The following ERCC4 variants were observed in gnomAD, a reference collection of about 807,000 sequenced individuals.
ERCC4 encodes ERCC excision repair 4, endonuclease catalytic subunit.
ERCC4 carries 65 observed loss-of-function variants against 76.9 expected under a neutral mutation model. The observed-to-expected ratio is 0.84, with a 90% CI of 0.69 to 1.04. ERCC4 has a LOEUF of 1.04. Ranked by LOEUF, ERCC4 falls within the 50% of genes least tolerant of loss-of-function variation. The pLI, the probability that ERCC4 is intolerant of heterozygous loss-of-function variation, is 0.00. For synonymous variants in ERCC4, 463 were observed against 410.1 expected (o/e 1.13, Z -1.56); for missense variants, 1,214 against 1,128.2 (o/e 1.08, Z -1.09).
Position 13,920,245 on chromosome 16 carries a change from T to C in ERCC4, c.80T>C (p.Leu27Pro). Residue 27 changes from leucine to proline, a missense_variant, in exon 1 of 11, where the codon CTC becomes CCC. Physicochemically the swap from Leu to Pro is moderately conservative, Grantham distance 98. Transcript: ENST00000311895. ...GAGCGACAGCTGGTGCTGGAACTGC[T>C]CGACACTGACGGGCTAGTAGTGTGC... ...EYERQLVLEL[L>P]DTDGLVVCAR... 6.2e-7 allele frequency: 1 copy of C among 1,607,868 alleles called. No homozygotes were observed. Among genetic ancestry groups the C allele is most frequent in the Non-Finnish European group, 8.5e-7 (1 of 1,179,944 alleles).
In ERCC4 at chr16:13,928,242, T is replaced by C; in HGVS notation, c.792+7T>C. On this transcript the variant is annotated splice_region_variant and intron_variant, in intron 4 of 10. Transcript: ENST00000311895. ...TGGAAAACCTTTTGACAAGGTACTC[T>C]TTTTCCTTTTAAGCACAGTTTATTA... is the stretch of plus-strand genomic sequence containing the variant. 2 of 1,572,842 alleles carry C rather than the reference T, an allele frequency of 1.3e-6. No individual in the cohort carries two copies. Among genetic ancestry groups the C allele is most frequent in the Non-Finnish European group, 1.7e-6 (2 of 1,143,498 alleles).
In ERCC4 at chr16:13,920,187, C is replaced by T. The variant is rs774510191; in HGVS notation, c.22C>T (p.Arg8Ter). 6.2e-7 allele frequency: 1 copy of T among 1,606,158 alleles called. No individual in the cohort carries two copies. The highest frequency in any genetic ancestry group is 8.5e-7 in the Non-Finnish European group (1 of 1,179,868). Residue 8 changes from arginine to a stop codon, truncating the protein, a stop_gained, in exon 1 of 11, where the codon CGA (arginine) becomes TGA (stop). Transcript: ENST00000311895. LOFTEE classifies it high-confidence loss of function. ...TTCCATGGAGTCAGGGCAGCCGGCT[C>T]GACGGATTGCCATGGCGCCGCTGCT... The part of the protein sequence containing the change: MESGQPA[R>*]RIAMAPLLEY...
intron 5 of ERCC4, 45 bp from the exon 6 acceptor site, chr16:13,932,112 T>A: frequency 6.4e-7 from 1 of 1,567,460 alleles, no homozygotes; most frequent in South Asian, 1.1e-5. Context: ...TGTTTTAAAT[T>A]AACCATAAAT....
chr16:13,937,788 G>T lies in ERCC4; in HGVS notation c.1834G>T (p.Gly612Cys). The change falls in exon 9 of 11, where the codon GGT becomes TGT. Residue 612 changes from glycine to cysteine, a missense_variant. By Grantham distance (159) the Gly-to-Cys change is radical (BLOSUM62 -3). Transcript: ENST00000311895. Reference protein sequence around the residue: ...PLRVYFLIYGGSTEEQRYLTA... With the variant: ...PLRVYFLIYGCSTEEQRYLTA... ...CAGGGTTTACTTTCTTATATACGGA[G>T]GTTCAACTGAGGAACAACGCTATCT... 1 of 1,612,880 alleles carries T rather than the reference G, an allele frequency of 6.2e-7. No individual in the cohort carries two copies. The highest frequency in any genetic ancestry group is 8.5e-7 in the Non-Finnish European group (1 of 1,178,924).
intron 3 of ERCC4, 175 bp from the exon 4 acceptor site, chr16:13,927,853 T>C (rs1175414773): frequency 4.9e-6 from 3 of 609,768 alleles, no homozygotes; most frequent in African/African-American, 3.7e-5. Flanking sequence ...ACACTGCTTC[T>C]ATTCATTGAG....
intron 2 of ERCC4, among the ~76,000 whole-genome samples, chr16:13,925,162 A>G (rs945331859): frequency 5.9e-5 from 9 of 152,330 alleles, no homozygotes; most frequent in African/African-American, 2.2e-4. Flanking sequence ...GAAAATCTAT[A>G]GAAACACCTA....
intron 7 of ERCC4, chr16:13,934,813 A>T (rs2032250820): frequency 3.9e-6 from 1 of 259,654 alleles, no homozygotes; most frequent in African/African-American, 2.2e-5. Flanking sequence ...AAGAGGAAAA[A>T]TCCATTTGGA....
rs183972297 is a variant in ERCC4 at position 13,931,915 on chromosome 16, C to T, written c.974-242C>T. 3,160 of 495,938 alleles carry T rather than the reference C, an allele frequency of 6.4e-3. 12 individuals are homozygous for T. The highest frequency in any genetic ancestry group is 8.7e-3 in the Non-Finnish European group (2,458 of 282,114). The allele number at this position is 495,938 out of a possible 1,614,324, so 30.7% of individuals were successfully genotyped here. A position where few individuals can be genotyped will look rare whatever the true frequency, so the allele number is the denominator to read the frequency against. ...GTCAAATAATGTCATGGTATTGTTACGAGAAAAGTTCTGACATCACATAGC... is the reference window on the plus strand; with the variant it reads ...GTCAAATAATGTCATGGTATTGTTATGAGAAAAGTTCTGACATCACATAGC... On this transcript the variant is annotated intron_variant, in intron 5 of 10. Coordinates refer to ENST00000311895, the MANE Select transcript of ERCC4 (RefSeq NM_005236.3).
At chr16:13,935,112 G>A (rs772505420) in intron 7 of ERCC4, 34 bp from the exon 8 acceptor site, 1 of 1,479,164 alleles carries the variant, frequency 6.8e-7, no homozygotes, top group Non-Finnish European at 9.5e-7. Flanking sequence ...GACAAGTGAG[G>A]TAATAGTAAC....
At chr16:13,932,581 T>A in intron 6 of ERCC4, 1 of 488,654 alleles carries the variant, frequency 2.0e-6, no homozygotes, top group Non-Finnish European at 3.6e-6. Context: ...AGCTATATAT[T>A]GATTTTTTTA....
rs116806829 is a variant in ERCC4, at chr16:13,922,732, C to T, written c.388+521C>T. Reference sequence around the variant, plus strand: ...TTTCTACATTTTTATTTTTGTCTGTCTCCTCTGCTGAACGCTCTACTAGAA... The same window carrying T: ...TTTCTACATTTTTATTTTTGTCTGTTTCCTCTGCTGAACGCTCTACTAGAA... On this transcript the variant is annotated intron_variant, in intron 2 of 10. Transcript: ENST00000311895. 4.6e-4 allele frequency: 160 copies of T among 349,684 alleles called. 1 individual carries two copies. Among genetic ancestry groups the T allele is most frequent in the African/African-American group, 3.2e-3 (150 of 46,604 alleles). 21.7% of individuals were successfully genotyped at this position (349,684 alleles called of 1,614,324 possible).
chr16:13,923,746 A>G (rs985972908), intron 2 of ERCC4, among the ~76,000 whole-genome samples: 6 of 152,254 alleles, frequency 3.9e-5, no homozygotes, highest in Non-Finnish European at 5.9e-5. Context: ...ACAAACTCTT[A>G]GTAATTCATA....
chr16:13,920,234 G>T lies in ERCC4; in HGVS notation c.69G>T (p.Val23=), dbSNP rs201606798. The change falls in exon 1 of 11, where the codon GTG becomes GTT. Residue 23 remains valine, a synonymous_variant. Coordinates refer to ENST00000311895, the MANE Select transcript of ERCC4 (RefSeq NM_005236.3). The stretch of plus-strand genomic sequence containing the variant: ...TGCTGGAGTACGAGCGACAGCTGGT[G>T]CTGGAACTGCTCGACACTGACGGGC... ...APLLEYERQL[V]LELLDTDGLV... 2 of 1,607,722 alleles carry T rather than the reference G, an allele frequency of 1.2e-6. No individual in the cohort carries two copies.
At position 13,922,183 on chromosome 16, in the gene ERCC4, T is replaced by G. The variant is rs777834718; in HGVS notation, c.360T>G (p.Thr120=). The G allele has an allele frequency of 2.5e-6, 4 of 1,610,806 alleles. No individual in the cohort carries two copies. Among genetic ancestry groups the G allele is most frequent in the Non-Finnish European group, 3.4e-6 (4 of 1,177,038 alleles). ...TSRILVVDFL[T]DRIPSDLITG... is the part of the protein sequence containing the mutation. ...GGATACTTGTGGTTGACTTCTTGAC[T>G]GATAGAATACCTTCAGATTTAATTA... Residue 120 remains threonine (T), a synonymous_variant, in exon 2 of 11, where the codon ACT becomes ACG. Coordinates refer to ENST00000311895, the MANE Select transcript of ERCC4 (RefSeq NM_005236.3).
chr16:13,934,306 G>C lies in ERCC4; in HGVS notation c.1213+4G>C. 1 of 1,578,090 alleles carries C rather than the reference G, an allele frequency of 6.3e-7. No homozygotes were observed. Among genetic ancestry groups the C allele is most frequent in the African/African-American group, 1.4e-5 (1 of 73,880 alleles). ...AGTGAAGCTCTTGGTGGTCCAGGTA[G>C]GAAAAAAGGAGATGAAAACATTTGC... is the stretch of plus-strand genomic sequence containing the variant. On this transcript the variant is annotated splice_donor_region_variant and intron_variant, in intron 7 of 10. Coordinates refer to ENST00000311895, the MANE Select transcript of ERCC4 (RefSeq NM_005236.3).
At position 13,937,803 on chromosome 16, in the gene ERCC4, CA is replaced by C. The variant is rs769406369; in HGVS notation, c.1851del (p.Gln617HisfsTer18). The C allele has an allele frequency of 6.2e-7, 1 of 1,613,706 alleles. No homozygotes were observed. The highest frequency in any genetic ancestry group is 8.5e-7 in the Non-Finnish European group (1 of 1,179,600). The part of the protein sequence containing the change: ...FLIYGGSTEE[Q>X]RYLTALRKEK... ...TATATACGGAGGTTCAACTGAGGAA[CA>C]ACGCTATCTCACTGCTTTGCGGAAA... On this transcript the variant is annotated frameshift_variant, in exon 9 of 11. Transcript: ENST00000311895. LOFTEE classifies it high-confidence loss of function.
At chr16:13,932,494 G>C in intron 6 of ERCC4, 1 of 601,336 alleles carries the variant, frequency 1.7e-6, no homozygotes, top group East Asian at 2.8e-5. Flanking sequence ...TATACAGCAT[G>C]GCAAGTCTTG....
chr16:13,932,254 A>T lies in ERCC4; in HGVS notation c.1071A>T (p.Ile357=), dbSNP rs768464180. 4.3e-6 allele frequency: 7 copies of T among 1,611,352 alleles called. No homozygotes were observed. In the Admixed American group the frequency reaches 1.0e-4, roughly 23 times the overall value. ...PDAKMSKKEK[I]SEKMEIKEGE... ...CCAAAATGAGTAAAAAAGAAAAAAT[A>T]TCTGAAAAAATGGAAATTAAAGAAG... The change falls in exon 6 of 11, where the codon ATA becomes ATT. Residue 357 remains isoleucine, a synonymous_variant. Coordinates refer to ENST00000311895, the MANE Select transcript of ERCC4 (RefSeq NM_005236.3).
At chr16:13,945,973 A>G (rs137940017) in intron 10 of ERCC4, among the ~76,000 whole-genome samples, 2 of 152,252 alleles carry the variant, frequency 1.3e-5, no homozygotes, top group Admixed American at 6.5e-5. Context: ...TTCAAAGTCC[A>G]AATGGGTTTC....
Sources: gnomAD v4.1 joint callset for allele counts (sites outside exome capture counted in the v4.1 genomes callset) on GRCh38, gnomAD v4.1.1 for gene constraint, MANE v1.5 for transcripts, NCBI Gene and HGNC (gene_info 2026-07-23, HGNC 2026-07-21) for gene names.